UNC13C: variants seen among roughly 807,000 people sequenced by gnomAD.
UNC13C encodes the protein unc-13 homolog C.
UNC13C carries 174 observed loss-of-function variants against 245.4 expected under a neutral mutation model. That is an observed-to-expected ratio of 0.71 (90% confidence interval 0.63 to 0.80). The LOEUF is 0.80. Ranked by LOEUF, UNC13C falls within the 30% of genes least tolerant of loss-of-function variation. The pLI is 0.00. For missense variants in UNC13C, 2,829 were observed against 2,602.9 expected (o/e 1.09, Z -1.89); for synonymous variants, 992 against 895.1 (o/e 1.11, Z -1.93).
At chr15:53,856,976 T>C in the UNC13C span, among the ~76,000 whole-genome samples, 5 of 152,264 alleles carry the variant, frequency 3.3e-5, no homozygotes, top group Admixed American at 1.3e-4. Flanking sequence ...ATTGGGTGCA[T>C]ATATATTTAG....
chr15:54,630,009 C>CTT (rs1000333431), downstream of UNC13C: 13 of 152,284 alleles, frequency 8.5e-5, no homozygotes, highest in African/African-American at 3.1e-4. Flanking sequence ...GTTATATTTA[C>CTT]TTACCCAAAT....
At chr15:53,946,309 G>C in the UNC13C span, among the ~76,000 whole-genome samples, 4 of 152,030 alleles carry the variant, frequency 2.6e-5, no homozygotes, top group Admixed American at 2.6e-4. Context: ...CTTGTCTTGT[G>C]CTGGTTTTCA....
chr15:53,890,435 C>CTA, the UNC13C span, among the ~76,000 whole-genome samples: 6 of 152,200 alleles, frequency 3.9e-5, no homozygotes, highest in Admixed American at 3.9e-4. Flanking sequence ...GCCACTGCGC[C>CTA]CAGCTACCAG....
chr15:54,447,474 T>C lies in UNC13C; in HGVS notation c.4933+32407T>C, dbSNP rs573034535. On this transcript the variant is annotated intron_variant, in intron 19 of 32. Coordinates refer to ENST00000260323, the MANE Select transcript of UNC13C (RefSeq NM_001080534.3). ...AGCCTGTTATTGGTCTATTCAGAGATTCAACTTCTTCCTGGTTTAGTCTTG... is the reference window on the plus strand; with the variant it reads ...AGCCTGTTATTGGTCTATTCAGAGACTCAACTTCTTCCTGGTTTAGTCTTG... Among the ~76,000 whole-genome samples the C allele has an allele frequency of 5.0e-3, 768 of 152,318 alleles. 6 individuals are homozygous for C. Among genetic ancestry groups the C allele is most frequent in the African/African-American group, 0.017 (720 of 41,572 alleles).
chr15:54,575,311 G>T (rs886705845), intron 30 of UNC13C, among the ~76,000 whole-genome samples: 7 of 152,150 alleles, frequency 4.6e-5, no homozygotes, highest in Admixed American at 3.9e-4. Context: ...AGGATGAAAA[G>T]TTTAAATACC....
intron 2 of UNC13C, among the ~76,000 whole-genome samples, chr15:54,035,858 A>T (rs754805625): frequency 3.0e-4 from 45 of 152,296 alleles, no homozygotes; most frequent in Non-Finnish European, 2.8e-4. Context: ...TGCAACACCG[A>T]GAGGATGATT....
intron 30 of UNC13C, among the ~76,000 whole-genome samples, chr15:54,616,883 G>A (rs746880255): frequency 2.6e-5 from 4 of 151,934 alleles, no homozygotes; most frequent in Non-Finnish European, 5.9e-5. Context: ...CATGGTAAGG[G>A]CCCAATATAG....
intron 1 of UNC13C, among the ~76,000 whole-genome samples, chr15:53,992,212 C>G (rs1346511222): frequency 6.6e-6 from 1 of 151,986 alleles, no homozygotes; most frequent in Non-Finnish European, 1.5e-5. Flanking sequence ...CCTCGTATAC[C>G]TCTCCATTGA....
In UNC13C at chr15:54,021,336, C is replaced by T. The variant is rs186454396; in HGVS notation, c.2983+5450C>T. ...CCTTTGATCAACATCTTCCCTTTTC[C>T]CACCTCACTCTCTACCCCAACCCTT... is the stretch of plus-strand genomic sequence containing the variant. On this transcript the variant is annotated intron_variant, in intron 2 of 32. Coordinates refer to ENST00000260323, the MANE Select transcript of UNC13C (RefSeq NM_001080534.3). Among the ~76,000 whole-genome samples, 18 of 152,252 alleles carry T rather than the reference C, an allele frequency of 1.2e-4. No individual in the cohort carries two copies. In the East Asian group the frequency reaches 3.3e-3, roughly 28 times the overall value.
intron 4 of UNC13C, among the ~76,000 whole-genome samples, chr15:54,199,088 G>T (rs147343696): frequency 1.6e-4 from 25 of 151,916 alleles, no homozygotes; most frequent in African/African-American, 6.0e-4. Context: ...GCAGAAGAAA[G>T]AACTTCAGAG....
At chr15:54,299,437 A>G (rs2037518978) in intron 12 of UNC13C, among the ~76,000 whole-genome samples, 1 of 152,158 alleles carries the variant, frequency 6.6e-6, no homozygotes, top group African/African-American at 2.4e-5. Context: ...TTTTGCCTTA[A>G]CATAGTCAAA....
At chr15:54,163,158 G>A (rs1410772164) in intron 4 of UNC13C, among the ~76,000 whole-genome samples, 1 of 152,142 alleles carries the variant, frequency 6.6e-6, no homozygotes, top group Non-Finnish European at 1.5e-5. Flanking sequence ...GATTATCTGA[G>A]TGGACCCAAT....
chr15:54,325,447 C>T (rs559635093), intron 14 of UNC13C, among the ~76,000 whole-genome samples: 82 of 152,134 alleles, frequency 5.4e-4, no homozygotes, highest in African/African-American at 2.0e-3. Context: ...TTCCAGGGTA[C>T]ATGTGCACAA....
chr15:54,298,104 C>G (rs930662232), intron 12 of UNC13C, among the ~76,000 whole-genome samples, 178 bp downstream of exon 12: 28 of 152,086 alleles, frequency 1.8e-4, no homozygotes, highest in Admixed American at 3.3e-4. Flanking sequence ...TGTATTACCC[C>G]TGACGAACTT....
rs139211130 is a variant in UNC13C at position 54,327,122 on chromosome 15, G to A, written c.4426-4921G>A. 1.8e-3 allele frequency among the ~76,000 whole-genome samples: 272 copies of A among 151,942 alleles called. 1 individual carries two copies. Among genetic ancestry groups the A allele is most frequent in the African/African-American group, 6.1e-3 (253 of 41,476 alleles). ...GTAACAAAATTCCATGAGGTGGGAG[G>A]CAGTCAATATTTTAATTTTGAAGGT... On this transcript the variant is annotated intron_variant, in intron 14 of 32. Transcript: ENST00000260323.
At chr15:54,197,563 G>A (rs1448627625) in intron 4 of UNC13C, among the ~76,000 whole-genome samples, 1 of 152,130 alleles carries the variant, frequency 6.6e-6, no homozygotes, top group African/African-American at 2.4e-5. Context: ...GCACATCTCT[G>A]TAAGGAGGCT....
Position 54,555,427 on chromosome 15 carries a change from TC to T in UNC13C, c.5878-3del. ...TTTATAAGCAATTCTTCACCTGTTTTCCAGGAGCACATGATTCGAGAGGATG... is the reference window on the plus strand; with the variant it reads ...TTTATAAGCAATTCTTCACCTGTTTTCAGGAGCACATGATTCGAGAGGATG... On this transcript the variant is annotated splice_region_variant and splice_polypyrimidine_tract_variant and intron_variant, in intron 28 of 32. Coordinates refer to ENST00000260323, the MANE Select transcript of UNC13C (RefSeq NM_001080534.3). 1 of 1,611,988 alleles carries T rather than the reference TC, an allele frequency of 6.2e-7. No individual in the cohort carries two copies. Among genetic ancestry groups the T allele is most frequent in the Non-Finnish European group, 8.5e-7 (1 of 1,178,770 alleles).
chr15:54,449,825 T>C (rs958557586), intron 19 of UNC13C, among the ~76,000 whole-genome samples: 2 of 152,218 alleles, frequency 1.3e-5, no homozygotes, highest in Non-Finnish European at 2.9e-5. Flanking sequence ...AGGAGCTGCA[T>C]TCCTTTGGAG....
At chr15:54,381,551 A>G (rs2039725355) in intron 17 of UNC13C, among the ~76,000 whole-genome samples, 1 of 152,120 alleles carries the variant, frequency 6.6e-6, no homozygotes, top group South Asian at 2.1e-4. Context: ...GGTCATATAG[A>G]TATTTTAACA....
Sources: gnomAD v4.1 joint callset for allele counts (sites outside exome capture counted in the v4.1 genomes callset) on GRCh38, gnomAD v4.1.1 for gene constraint, MANE v1.5 for transcripts, NCBI Gene and HGNC (gene_info 2026-07-23, HGNC 2026-07-21) for gene names.